The following NRG2 variants were observed in gnomAD, a reference collection of about 807,000 sequenced individuals.
NRG2 encodes neuregulin 2.
A neutral mutation model predicts 73.9 loss-of-function variants in NRG2; 27 were observed. That is an observed-to-expected ratio of 0.37 (90% CI 0.27 to 0.50). The LOEUF is 0.50. Among genes scored for constraint, NRG2 ranks in the 20% least tolerant of loss-of-function variants. The pLI is 0.96. For synonymous variants in NRG2, 532 were observed against 541.0 expected, an observed-to-expected ratio of 0.98 and a Z score of 0.23; for missense variants, 1,126 against 1,210.1, an observed-to-expected ratio of 0.93 and a Z score of 1.03.
chr5:139,865,101 A>C lies in NRG2; in HGVS notation c.1189+448T>G, dbSNP rs1263124017. 1.1e-5 allele frequency: 18 copies of C among 1,609,602 alleles called. No individual in the cohort carries two copies. Among genetic ancestry groups the C allele is most frequent in the Non-Finnish European group, 1.5e-5 (18 of 1,175,890 alleles). On this transcript the variant is annotated intron_variant, in intron 5 of 9. Transcript: ENST00000361474. The surrounding 1 kb of genome is among the most constrained non-coding windows in gnomAD (Gnocchi z 5.2). ...GTCACCAGGGAAGAGAAGAAATAGA[A>C]GAAAGAGACATACTGGAGAAGTTGA...
chr5:139,848,893 C>G (rs1429695462), intron 9 of NRG2, among the ~76,000 whole-genome samples, 196 bp from the exon 10 acceptor site: 2 of 152,194 alleles, frequency 1.3e-5, no homozygotes, highest in Non-Finnish European at 2.9e-5. Flanking sequence ...CCTCGGTTTC[C>G]TTATCTGTTA....
chr5:139,887,317 A>G lies in NRG2; in HGVS notation c.872+23T>C. The G allele has an allele frequency of 5.0e-6, 8 of 1,612,290 alleles. No homozygotes were observed. The highest frequency in any genetic ancestry group is 6.8e-6 in the Non-Finnish European group (8 of 1,178,570). On this transcript the variant is annotated intron_variant, in intron 2 of 9. Transcript: ENST00000361474. This position sits in a 1 kb window ranked among gnomAD's most constrained non-coding sequence, Gnocchi z 4.5. Reference sequence around the variant, plus strand: ...GGAGGGAGGGCAGCTGCTTGGATGGAGGACAGGCTGGATATTGCTTACCTG... The same window carrying G: ...GGAGGGAGGGCAGCTGCTTGGATGGGGGACAGGCTGGATATTGCTTACCTG...
At chr5:139,962,832 T>C (rs1755182092) in intron 1 of NRG2, among the ~76,000 whole-genome samples, 2 of 151,886 alleles carry the variant, frequency 1.3e-5, no homozygotes, top group South Asian at 4.2e-4. Context: ...CCTCAAGAGG[T>C]TGCCTACTCT....
intron 9 of NRG2, 47 bp from the exon 10 acceptor site, chr5:139,848,744 GCGGGGGAGGGGGGGT>G (rs1761206040): frequency 1.9e-5 from 23 of 1,241,560 alleles, no homozygotes; most frequent in Non-Finnish European, 2.1e-5. Flanking sequence ...CCGGGCCGGC[GCGGGGGAGGGGGGGT>G]TGGGGGTGGG....
intron 1 of NRG2, among the ~76,000 whole-genome samples, chr5:139,951,837 C>A (rs1161159073): frequency 6.6e-6 from 1 of 152,260 alleles, no homozygotes; most frequent in Non-Finnish European, 1.5e-5. Context: ...CCTGGCCTGG[C>A]CTGGCAGGAA....
chr5:139,990,070 G>A (rs1014869960), intron 1 of NRG2, among the ~76,000 whole-genome samples: 2 of 151,916 alleles, frequency 1.3e-5, no homozygotes, highest in African/African-American at 4.8e-5. Context: ...TTACAGGCGT[G>A]AGCCACTGTG....
chr5:139,999,201 C>A (rs1167387851), intron 1 of NRG2, among the ~76,000 whole-genome samples: 2 of 151,906 alleles, frequency 1.3e-5, no homozygotes, highest in Admixed American at 6.5e-5. Flanking sequence ...CTTAATAATA[C>A]ACCCTAATAA....
chr5:139,869,114 G>C lies in NRG2; in HGVS notation c.1112+2607C>G, dbSNP rs574020651. ...GACTCCCATTTTCAAATCCCCCTAC[G>C]TTGTCTTTTTTTAAAACAAAATTCA... On this transcript the variant is annotated intron_variant, in intron 4 of 9. Coordinates refer to ENST00000361474, the MANE Select transcript of NRG2 (RefSeq NM_004883.3). This position sits in a 1 kb window ranked among gnomAD's most constrained non-coding sequence, Gnocchi z 4.5. Among the ~76,000 whole-genome samples, 2 of 151,968 alleles carry C rather than the reference G, an allele frequency of 1.3e-5. No homozygotes were observed. Among genetic ancestry groups the C allele is most frequent in the Non-Finnish European group, 1.5e-5 (1 of 67,980 alleles).
rs1765062578 is a variant in NRG2, at chr5:139,904,137, C to T, written c.701-16626G>A. 6.6e-6 allele frequency among the ~76,000 whole-genome samples: 1 copy of T among 152,146 alleles called. No individual in the cohort carries two copies. Among genetic ancestry groups the T allele is most frequent in the Non-Finnish European group, 1.5e-5 (1 of 67,998 alleles). On this transcript the variant is annotated intron_variant, in intron 1 of 9. Coordinates refer to ENST00000361474, the MANE Select transcript of NRG2 (RefSeq NM_004883.3). This position sits in a 1 kb window ranked among gnomAD's most constrained non-coding sequence, Gnocchi z 6.0. ...GGCTCCTGGCACGCAGCCCCTTGCT[C>T]TCCCGGCCGCGACGACCCGCTCGCA...
intron 4 of NRG2, among the ~76,000 whole-genome samples, chr5:139,867,795 TGTATGA>T (rs1292114529): frequency 0.011 from 1,266 of 119,622 alleles, 12 homozygotes; most frequent in African/African-American, 0.047. Flanking sequence ...TGTGTGTGTG[TGTATGA>T]GTGTGTGTGT....
chr5:139,862,301 G>A (rs983749901), intron 5 of NRG2, among the ~76,000 whole-genome samples: 1 of 152,192 alleles, frequency 6.6e-6, no homozygotes, highest in Non-Finnish European at 1.5e-5. Flanking sequence ...TGGCATGATT[G>A]GTGGGGTCAC....
chr5:139,920,519 A>C (rs188274037), intron 1 of NRG2, among the ~76,000 whole-genome samples: 88 of 152,118 alleles, frequency 5.8e-4, no homozygotes, highest in African/African-American at 2.1e-3. Context: ...CTTGTTTATT[A>C]TTACTTTCAC....
chr5:140,001,834 A>G (rs950278877), intron 1 of NRG2, among the ~76,000 whole-genome samples: 13 of 152,040 alleles, frequency 8.6e-5, no homozygotes, highest in Admixed American at 5.2e-4. Flanking sequence ...CTGCACTCCA[A>G]CCTTGGTGAC....
rs1761188325 is a variant in NRG2, at chr5:139,848,581, G to A, written c.1889C>T (p.Ser630Leu). 7 of 1,559,176 alleles carry A rather than the reference G, an allele frequency of 4.5e-6. No homozygotes were observed. The highest frequency in any genetic ancestry group is 6.0e-6 in the Non-Finnish European group (7 of 1,163,786). The change falls in exon 10 of 10, where the codon TCG (serine) becomes TTG (leucine). Residue 630 changes from serine (S) to leucine (L), a missense_variant. Transcript: ENST00000361474. ...ACTGATGGGCGCCGCCGGCGGCAGCGACACGGCGTGCGCCGAGTTGGGGGA... is the reference window on the plus strand; with the variant it reads ...ACTGATGGGCGCCGCCGGCGGCAGCAACACGGCGTGCGCCGAGTTGGGGGA... ...ITSPNSAHAV[S>L]LPPAAPISYR...
At chr5:139,990,042 C>A (rs1004976051) in intron 1 of NRG2, among the ~76,000 whole-genome samples, 1 of 151,702 alleles carries the variant, frequency 6.6e-6, no homozygotes, top group African/African-American at 2.4e-5. Flanking sequence ...CCCACCTCGG[C>A]CTCCCAAAGT....
Position 139,904,526 on chromosome 5 carries a change from G to A in NRG2, c.701-17015C>T. The A allele has an allele frequency of 1.9e-6, 1 of 519,072 alleles. No homozygotes were observed. Among genetic ancestry groups the A allele is most frequent in the Non-Finnish European group, 3.4e-6 (1 of 297,152 alleles). The allele number at this position is 519,072 out of a possible 1,614,324, so 32.2% of individuals were successfully genotyped here. A position where few individuals can be genotyped will look rare whatever the true frequency, so the allele number is the denominator to read the frequency against. ...GGCGGTCACACCCTCCGGGGGAGGGGAGCAGCGAGCCTTAACTCTTCCCCT... is the reference window on the plus strand; with the variant it reads ...GGCGGTCACACCCTCCGGGGGAGGGAAGCAGCGAGCCTTAACTCTTCCCCT... On this transcript the variant is annotated intron_variant, in intron 1 of 9. Coordinates refer to ENST00000361474, the MANE Select transcript of NRG2 (RefSeq NM_004883.3). This position sits in a 1 kb window ranked among gnomAD's most constrained non-coding sequence, Gnocchi z 6.0.
chr5:140,038,170 A>G (rs1761649343), intron 1 of NRG2, among the ~76,000 whole-genome samples: 1 of 152,186 alleles, frequency 6.6e-6, no homozygotes, highest in Non-Finnish European at 1.5e-5. Context: ...ATAAAATTAA[A>G]ATGCCCTAGA....
chr5:140,009,335 A>G (rs1264154278), intron 1 of NRG2, among the ~76,000 whole-genome samples: 1 of 152,220 alleles, frequency 6.6e-6, no homozygotes, highest in Non-Finnish European at 1.5e-5. Context: ...ACCCAGAGCT[A>G]AGCAGACAGC....
chr5:139,935,181 G>GA (rs1472079621), intron 1 of NRG2, among the ~76,000 whole-genome samples: 1 of 151,740 alleles, frequency 6.6e-6, no homozygotes, highest in Non-Finnish European at 1.5e-5. Flanking sequence ...TAAAAAAAAA[G>GA]AAAAAAGAAA....
Sources: allele counts gnomAD v4.1 joint callset (sites outside exome capture counted in the v4.1 genomes callset), GRCh38; gene constraint gnomAD v4.1.1; non-coding constraint Gnocchi (gnomAD v3.1); transcripts MANE v1.5; gene names NCBI Gene and HGNC (gene_info 2026-07-23, HGNC 2026-07-21).